The following NLGN1 variants were observed in gnomAD, a reference collection of about 807,000 sequenced individuals.
NLGN1 encodes the protein neuroligin 1.
In NLGN1, 12 loss-of-function variants were observed where a neutral mutation model predicts 65.5. The ratio of observed to expected loss-of-function variants is 0.18; its 90% CI spans 0.12 to 0.30. The LOEUF is 0.30. NLGN1 is among the 10% of genes least tolerant of loss of function. The pLI is 1.00. For synonymous variants in NLGN1, 350 were observed against 359.5 expected (o/e 0.97, Z 0.30); for missense variants, 750 against 1,007.1 (o/e 0.74, Z 3.46).
intron 1 of NLGN1, among the ~76,000 whole-genome samples, chr3:173,404,860 A>G (rs1162218866): frequency 6.6e-6 from 1 of 152,140 alleles, no homozygotes; most frequent in African/African-American, 2.4e-5. Flanking sequence ...AGGAGCACTG[A>G]TTCTAGAACA....
At chr3:173,510,708 T>C (rs1031287088) in intron 2 of NLGN1, among the ~76,000 whole-genome samples, 2 of 152,172 alleles carry the variant, frequency 1.3e-5, no homozygotes, top group Non-Finnish European at 2.9e-5. Context: ...CTTTGTGCCT[T>C]GTCGTTATAA....
At chr3:173,668,350 A>G (rs1761999463) in intron 3 of NLGN1, among the ~76,000 whole-genome samples, 1 of 152,204 alleles carries the variant, frequency 6.6e-6, no homozygotes, top group African/African-American at 2.4e-5. Flanking sequence ...CTCAACTAAA[A>G]GACTCACAAA....
chr3:174,213,184 T>G (rs1737012503), intron 4 of NLGN1, among the ~76,000 whole-genome samples: 2 of 152,214 alleles, frequency 1.3e-5, no homozygotes, highest in Non-Finnish European at 2.9e-5. Flanking sequence ...ATTGCTATGT[T>G]TCCCTCTTTC....
chr3:173,539,677 A>ACATATATGTGCATATGC (rs1240848311), intron 2 of NLGN1, among the ~76,000 whole-genome samples: 51 of 79,406 alleles, frequency 6.4e-4, no homozygotes, highest in Middle Eastern at 8.8e-3. Context: ...GCACATATAT[A>ACATATATGTGCATATGC]ACATACATAT....
intron 4 of NLGN1, among the ~76,000 whole-genome samples, chr3:173,915,746 G>T (rs1203761669): frequency 6.6e-6 from 1 of 152,100 alleles, no homozygotes; most frequent in South Asian, 2.1e-4. Flanking sequence ...CTTGTCATGG[G>T]CTAGTCCCTT....
intron 2 of NLGN1, among the ~76,000 whole-genome samples, chr3:173,443,527 ACATATATATT>A (rs1719615619): frequency 6.6e-6 from 1 of 152,020 alleles, no homozygotes; most frequent in Non-Finnish European, 1.5e-5. Context: ...AAGTAAATAA[ACATATATATT>A]GTATGTGCAG....
intron 4 of NLGN1, among the ~76,000 whole-genome samples, chr3:173,904,486 T>C (rs1737968656): frequency 6.6e-6 from 1 of 152,162 alleles, no homozygotes; most frequent in Non-Finnish European, 1.5e-5. Flanking sequence ...GAGTATACTT[T>C]TGCTTATATG....
At chr3:173,619,410 G>A (rs897690936) in intron 3 of NLGN1, among the ~76,000 whole-genome samples, 5 of 152,054 alleles carry the variant, frequency 3.3e-5, no homozygotes, top group Non-Finnish European at 7.4e-5. Context: ...TGTTTAATGA[G>A]TCCTAGGGGC....
intron 4 of NLGN1, among the ~76,000 whole-genome samples, chr3:173,824,104 A>G (rs1049494116): frequency 6.6e-6 from 1 of 152,084 alleles, no homozygotes; most frequent in Non-Finnish European, 1.5e-5. Context: ...AAAGTACAAT[A>G]ACACATTTAA....
At chr3:173,887,514 T>A (rs1035803419) in intron 4 of NLGN1, among the ~76,000 whole-genome samples, 1 of 151,940 alleles carries the variant, frequency 6.6e-6, no homozygotes, top group Non-Finnish European at 1.5e-5. Flanking sequence ...GTTATCTAAT[T>A]CTCACTCTTC....
intron 3 of NLGN1, chr3:173,685,906 A>C (rs960264457): frequency 1.5e-6 from 1 of 683,678 alleles, no homozygotes; most frequent in African/African-American, 1.9e-5. Context: ...TTGATTGAGA[A>C]GATTAAAACC....
At chr3:173,864,300 T>C (rs939597852) in intron 4 of NLGN1, among the ~76,000 whole-genome samples, 1 of 152,208 alleles carries the variant, frequency 6.6e-6, no homozygotes, top group Non-Finnish European at 1.5e-5. Context: ...GATGTACATA[T>C]TGGCAATTTG....
chr3:173,512,132 C>T lies in NLGN1; in HGVS notation c.-321+77054C>T, dbSNP rs541080331. Among the ~76,000 whole-genome samples, 17 of 152,310 alleles carry T rather than the reference C, an allele frequency of 1.1e-4. No homozygotes were observed. The South Asian group carries it at 1.2e-3, about 11-fold the overall frequency. ...CTCAAGACCCCAGAGGCTGAGCTCT[C>T]TTAGCTCTGCCATCTGTAGACAGCA... On this transcript the variant is annotated intron_variant, in intron 2 of 6. Transcript: ENST00000457714.
chr3:173,986,060 C>T (rs921508694), intron 4 of NLGN1, among the ~76,000 whole-genome samples: 2 of 152,158 alleles, frequency 1.3e-5, no homozygotes, highest in African/African-American at 2.4e-5. Flanking sequence ...AGTACTTCAC[C>T]GTGTGACTTT....
intron 4 of NLGN1, among the ~76,000 whole-genome samples, chr3:173,824,274 A>T (rs1174278422): frequency 1.3e-5 from 2 of 152,110 alleles, no homozygotes; most frequent in African/African-American, 4.8e-5. Flanking sequence ...AAGGAAAAAA[A>T]TGTCAGCTTT....
chr3:173,518,537 T>C (rs1471307376), intron 2 of NLGN1, among the ~76,000 whole-genome samples: 1 of 151,412 alleles, frequency 6.6e-6, no homozygotes, highest in Non-Finnish European at 1.5e-5. Flanking sequence ...TGTATGTGTG[T>C]GTGTGTGTGC....
intron 2 of NLGN1, among the ~76,000 whole-genome samples, chr3:173,526,326 T>C (rs534929484): frequency 9.5e-4 from 141 of 148,090 alleles, no homozygotes; most frequent in South Asian, 1.9e-3. Flanking sequence ...CCTTTCCTTG[T>C]CTTTTTTTTT....
chr3:173,820,189 A>C (rs1719979626), intron 4 of NLGN1, among the ~76,000 whole-genome samples: 1 of 151,866 alleles, frequency 6.6e-6, no homozygotes, highest in African/African-American at 2.4e-5. Flanking sequence ...GAAAAAAAAA[A>C]AAAAAAAAAA....
intron 4 of NLGN1, among the ~76,000 whole-genome samples, chr3:174,158,948 T>G (rs1422172212): frequency 6.6e-6 from 1 of 151,570 alleles, no homozygotes; most frequent in Admixed American, 6.6e-5. Context: ...CACTCAACTT[T>G]TTTTCAGTCT....
Sources: allele counts gnomAD v4.1 joint callset (sites outside exome capture counted in the v4.1 genomes callset), GRCh38; gene constraint gnomAD v4.1.1; transcripts MANE v1.5; gene names NCBI Gene and HGNC (gene_info 2026-07-23, HGNC 2026-07-21).